The following BUB1 variants were observed in gnomAD, a reference collection of about 807,000 sequenced individuals.
BUB1 encodes the protein BUB1 mitotic checkpoint serine/threonine kinase.
BUB1 carries 84 observed loss-of-function variants against 135.2 expected under a neutral mutation model. That is an observed-to-expected ratio of 0.62 (90% CI 0.52 to 0.74). The LOEUF (loss-of-function observed/expected upper bound fraction) is 0.74. BUB1 is among the 30% of genes least tolerant of loss of function. The pLI is 0.00. For synonymous variants in BUB1, 403 were observed against 434.4 expected (o/e 0.93, Z 0.90); for missense variants, 1,162 against 1,288.3 (o/e 0.90, Z 1.50).
chr2:110,660,157 A>C, intron 10 of BUB1, 121 bp from the exon 11 acceptor site: 2 of 709,538 alleles, frequency 2.8e-6, no homozygotes, highest in East Asian at 5.9e-5. Context: ...GGATCACCTG[A>C]GGTCAGAAGT....
chr2:110,672,206 G>A (rs1333081046), intron 4 of BUB1, among the ~76,000 whole-genome samples: 1 of 151,918 alleles, frequency 6.6e-6, no homozygotes, highest in Admixed American at 6.6e-5. Context: ...CAGCCTGGGC[G>A]ACAGAGTGAG....
chr2:110,667,490 A>G (rs1461806659), intron 8 of BUB1, 31 bp downstream of exon 8: 10 of 1,575,342 alleles, frequency 6.3e-6, no homozygotes, highest in Non-Finnish European at 8.6e-6. Flanking sequence ...ATGTGACATA[A>G]GAATAACTAA....
chr2:110,675,607 A>ATT (rs774492463), intron 1 of BUB1, among the ~76,000 whole-genome samples: 34 of 145,334 alleles, frequency 2.3e-4, no homozygotes, highest in Middle Eastern at 3.6e-3. Flanking sequence ...ACACTATAAG[A>ATT]TTTTTTTTTT....
intron 4 of BUB1, among the ~76,000 whole-genome samples, 163 bp downstream of exon 4, chr2:110,672,498 G>A (rs1288554914): frequency 6.6e-6 from 1 of 152,232 alleles, no homozygotes; most frequent in African/African-American, 2.4e-5. Context: ...ATTGTTAACA[G>A]TAATATTTCT....
Position 110,674,171 on chromosome 2 carries a change from G to A in BUB1, c.140C>T (p.Thr47Ile). Residue 47 changes from threonine to isoleucine, a missense_variant, in exon 3 of 25, where the codon ACT (threonine) becomes ATT (isoleucine). By Grantham distance (89) the Thr-to-Ile change is moderately conservative. Coordinates refer to ENST00000302759, the MANE Select transcript of BUB1 (RefSeq NM_004336.5). ...NFPENKEYLI[T>I]LLEHLMKEFL... is the part of the protein sequence containing the mutation. The stretch of plus-strand genomic sequence containing the variant: ...TTCCTTCATTAAATGTTCTAGTAAA[G>A]TTATCAAGTATTCTTTATTCTCAGG... The A allele has an allele frequency of 3.1e-6, 5 of 1,592,506 alleles. No individual in the cohort carries two copies. Among genetic ancestry groups the A allele is most frequent in the South Asian group, 1.1e-5 (1 of 90,342 alleles).
chr2:110,666,506 G>A, intron 8 of BUB1, 92 bp from the exon 9 acceptor site: 1 of 1,038,716 alleles, frequency 9.6e-7, no homozygotes, highest in Non-Finnish European at 1.2e-6. Context: ...TATATTTTAG[G>A]GGGCCGATTT....
Position 110,641,423 on chromosome 2 carries a change from C to G in BUB1, c.2667G>C (p.Met889Ile). The G allele has an allele frequency of 6.2e-7, 1 of 1,613,816 alleles. No homozygotes were observed. The highest frequency in any genetic ancestry group is 8.5e-7 in the Non-Finnish European group (1 of 1,179,930). The change falls in exon 22 of 25, where the codon ATG (methionine) becomes ATC (isoleucine). Residue 889 changes from methionine to isoleucine, a missense_variant. Met to Ile is a conservative substitution (Grantham distance 10, BLOSUM62 1). Transcript: ENST00000302759. ...CAAAAGAGATGACAAGACCTTGAGG[C>G]ATCACTTTTTCAGGGGTATTTTTAT... ...NLYKNTPEKV[M>I]PQGLVISFAM... is the part of the protein sequence containing the mutation.
chr2:110,649,047 C>A, intron 19 of BUB1, 187 bp downstream of exon 19: 3 of 475,870 alleles, frequency 6.3e-6, no homozygotes, highest in Admixed American at 4.0e-5. Context: ...AGTTATAGTC[C>A]CAACAGCAAG....
At chr2:110,667,095 G>C (rs1690279285) in intron 8 of BUB1, among the ~76,000 whole-genome samples, 1 of 152,182 alleles carries the variant, frequency 6.6e-6, no homozygotes, top group African/African-American at 2.4e-5. Flanking sequence ...GTCCTGAGTG[G>C]AATAAAGGTT....
chr2:110,674,883 C>T (rs1690530787), intron 1 of BUB1: 2 of 170,528 alleles, frequency 1.2e-5, no homozygotes, highest in Admixed American at 1.3e-4. Context: ...GAGACACCTG[C>T]CCTTCCAGTG....
Position 110,659,981 on chromosome 2 carries a change from C to A in BUB1, c.1273G>T (p.Glu425Ter). 6.2e-7 allele frequency: 1 copy of A among 1,607,694 alleles called. No individual in the cohort carries two copies. Among genetic ancestry groups the A allele is most frequent in the South Asian group, 1.1e-5 (1 of 90,874 alleles). Residue 425 changes from glutamate (E) to a stop codon, truncating the protein, a stop_gained, in exon 11 of 25, where the codon GAA (glutamate) becomes TAA (stop). Transcript: ENST00000302759. LOFTEE classifies it high-confidence loss of function. The part of the protein sequence containing the change: ...FKPQSGAEIK[E>*]GCETHKVANT... ...ATTTATTATAATTAAACATTACCTTCTTTGATCTCTGCTCCACTCTGTGGC... is the reference window on the plus strand; with the variant it reads ...ATTTATTATAATTAAACATTACCTTATTTGATCTCTGCTCCACTCTGTGGC...
chr2:110,653,680 A>T (rs180693762), intron 16 of BUB1, among the ~76,000 whole-genome samples, 157 bp from the exon 17 acceptor site: 64 of 152,234 alleles, frequency 4.2e-4, no homozygotes, highest in African/African-American at 1.2e-3. Context: ...TAATAAGATT[A>T]AAAAAATGGG....
intron 8 of BUB1, 148 bp downstream of exon 8, chr2:110,667,373 A>T: frequency 1.1e-6 from 1 of 896,704 alleles, no homozygotes; most frequent in Non-Finnish European, 1.6e-6. Flanking sequence ...ATGGGTTAAT[A>T]ATGATTTCTG....
chr2:110,656,063 T>G (rs925548357), intron 15 of BUB1, 147 bp from the exon 16 acceptor site: 1 of 663,290 alleles, frequency 1.5e-6, no homozygotes, highest in African/African-American at 1.8e-5. Context: ...CACAATATCA[T>G]GGTTCAGTTC....
rs771511636 is a variant in BUB1, at chr2:110,666,287, C to A, written c.933G>T (p.Leu311=). 1.4e-6 allele frequency: 2 copies of A among 1,471,550 alleles called. No individual in the cohort carries two copies. Among genetic ancestry groups the A allele is most frequent in the Non-Finnish European group, 9.0e-7 (1 of 1,105,610 alleles). 91.2% of individuals were successfully genotyped at this position (1,471,550 alleles called of 1,614,324 possible). The part of the protein sequence containing the change: ...HQVVETSHED[L]PASQERSEVN... The stretch of plus-strand genomic sequence containing the variant: ...CCTCGGACCTTTCCTGGGAAGCGGG[C>A]AGATCCTCATGGGATGTCTCCACCA... Residue 311 remains leucine (L), a synonymous_variant, in exon 9 of 25, where the codon CTG becomes CTT. Coordinates refer to ENST00000302759, the MANE Select transcript of BUB1 (RefSeq NM_004336.5).
intron 5 of BUB1, 47 bp from the exon 6 acceptor site, chr2:110,669,600 C>T (rs779011113): frequency 2.6e-5 from 33 of 1,257,752 alleles, no homozygotes; most frequent in African/African-American, 5.9e-5. Flanking sequence ...AGGGTAAAAC[C>T]GTAAGTAAAA....
Position 110,639,790 on chromosome 2 carries a change from T to C in BUB1, c.3014A>G (p.Lys1005Arg). 1 of 1,614,146 alleles carries C rather than the reference T, an allele frequency of 6.2e-7. No homozygotes were observed. The highest frequency in any genetic ancestry group is 8.5e-7 in the Non-Finnish European group (1 of 1,179,992). Reference sequence around the variant, plus strand: ...ACACTCTCCTCCTTCATTTTTCACTTTCATGTAAGTGCCAAAGAGCATGCA... The same window carrying C: ...ACACTCTCCTCCTTCATTTTTCACTCTCATGTAAGTGCCAAAGAGCATGCA... ...VYCMLFGTYM[K>R]VKNEGGECKP... The change falls in exon 24 of 25, where the codon AAA (lysine) becomes AGA (arginine). Residue 1005 changes from lysine (K) to arginine (R), a missense_variant. Lys to Arg is a conservative substitution (Grantham distance 26, BLOSUM62 2). Coordinates refer to ENST00000302759, the MANE Select transcript of BUB1 (RefSeq NM_004336.5).
Position 110,666,322 on chromosome 2 carries a change from A to T in BUB1, c.898T>A (p.Leu300Met), listed in dbSNP as rs762767607. 3.3e-6 allele frequency: 5 copies of T among 1,530,726 alleles called. No homozygotes were observed. Among genetic ancestry groups the T allele is most frequent in the Non-Finnish European group, 4.4e-6 (5 of 1,137,084 alleles). The allele number at this position is 1,530,726 out of a possible 1,614,324, so 94.8% of individuals were successfully genotyped here. Residue 300 changes from leucine to methionine, a missense_variant, in exon 9 of 25, where the codon TTG becomes ATG. Coordinates refer to ENST00000302759, the MANE Select transcript of BUB1 (RefSeq NM_004336.5). ...KQKMDELHKK[L>M]HQVVETSHED... is the part of the protein sequence containing the mutation. ...TGGGATGTCTCCACCACCTGATGCA[A>T]CTTCTTATGAAGTTCATCCATTTTC...
chr2:110,677,872 C>T, intron 1 of BUB1, 98 bp downstream of exon 1: 26 of 1,370,956 alleles, frequency 1.9e-5, no homozygotes, highest in Non-Finnish European at 2.4e-5. Flanking sequence ...AGGAAGGGGG[C>T]GAAGGGGGCA....
Sources: allele counts gnomAD v4.1 joint callset (sites outside exome capture counted in the v4.1 genomes callset), GRCh38; gene constraint gnomAD v4.1.1; transcripts MANE v1.5; gene names NCBI Gene and HGNC (gene_info 2026-07-23, HGNC 2026-07-21).